Variants in NOTUM observed in about 807,000 individuals in gnomAD.
NOTUM encodes the protein palmitoleoyl-protein carboxylesterase NOTUM.
NOTUM carries 36 observed loss-of-function variants against 65.5 expected under a neutral mutation model. The ratio of observed to expected loss-of-function variants is 0.55; its 90% CI spans 0.42 to 0.73. The LOEUF (loss-of-function observed/expected upper bound fraction) is 0.73, where lower values mean the gene tolerates loss of function less well. Ranked by LOEUF, NOTUM falls within the 30% of genes least tolerant of loss-of-function variation. NOTUM has a pLI of 0.00. For missense variants in NOTUM, 659 were observed against 694.2 expected (o/e 0.95, Z 0.57); for synonymous variants, 356 against 297.9 (o/e 1.20, Z -2.01).
In NOTUM at chr17:81,960,755, A is replaced by G. The variant is rs2041469131; in HGVS notation, c.155T>C (p.Phe52Ser). ...APAAGQPVES[F>S]PLDFTAVEGN... ...CTCCACGGCCGTGAAGTCCAGCGGG[A>G]AGCTCTCCACGGGCTGTCCGGCCGC... Residue 52 changes from phenylalanine to serine, a missense_variant, in exon 1 of 11, where the codon TTC becomes TCC. Physicochemically the swap from Phe to Ser is radical, Grantham distance 155. Coordinates refer to ENST00000409678, the MANE Select transcript of NOTUM (RefSeq NM_178493.6). The surrounding 1 kb of genome is among the most constrained non-coding windows in gnomAD (Gnocchi z 6.4). 1 of 1,593,628 alleles carries G rather than the reference A, an allele frequency of 6.3e-7. No homozygotes were observed. Among genetic ancestry groups the G allele is most frequent in the Non-Finnish European group, 8.5e-7 (1 of 1,171,178 alleles).
chr17:81,952,889 G>C lies in NOTUM; in HGVS notation c.*72C>G. The C allele has an allele frequency of 7.4e-7, 1 of 1,343,972 alleles. No homozygotes were observed. The highest frequency in any genetic ancestry group is 1.1e-6 in the Non-Finnish European group (1 of 950,290). The allele number at this position is 1,343,972 out of a possible 1,614,324, so 83.3% of individuals were successfully genotyped here. ...CGAAGAGACGGGAGGGCCTGCTGGTGGGGGGTGAGGTGGCACTGGGGCAGC... is the reference window on the plus strand; with the variant it reads ...CGAAGAGACGGGAGGGCCTGCTGGTCGGGGGTGAGGTGGCACTGGGGCAGC... On this transcript the variant is annotated 3_prime_UTR_variant, in exon 11 of 11. Transcript: ENST00000409678.
Position 81,961,030 on chromosome 17 carries a change from CCCCGCT to C in NOTUM, c.-127_-122del, listed in dbSNP as rs2041473975. ...GCACTGGCCGCTCCTGCTCCCTCGCCCCCGCTCCCGCCCGCCGGGCCTGGCGGAGAA... is the reference window on the plus strand; with the variant it reads ...GCACTGGCCGCTCCTGCTCCCTCGCCCCCGCCCGCCGGGCCTGGCGGAGAA... On this transcript the variant is annotated 5_prime_UTR_variant, in exon 1 of 11. Transcript: ENST00000409678. The C allele has an allele frequency of 2.8e-6, 1 of 361,662 alleles. No individual in the cohort carries two copies. The highest frequency in any genetic ancestry group is 2.2e-5 in the African/African-American group (1 of 45,542). 22.4% of individuals were successfully genotyped at this position (361,662 alleles called of 1,614,324 possible).
chr17:81,959,050 G>C, intron 3 of NOTUM, 55 bp from the exon 4 acceptor site: 1 of 1,497,158 alleles, frequency 6.7e-7, no homozygotes, highest in Non-Finnish European at 9.3e-7. Flanking sequence ...TGTAGGGTCG[G>C]GTCTGGGAAC....
At chr17:81,954,936 T>G (rs927385609) in intron 9 of NOTUM, among the ~76,000 whole-genome samples, 3 of 74,624 alleles carry the variant, frequency 4.0e-5, no homozygotes, top group Admixed American at 1.0e-4. Flanking sequence ...TCTCGATCTC[T>G]CTCTCTCTCT....
At position 81,959,475 on chromosome 17, in the gene NOTUM, GC is replaced by G; in HGVS notation, c.467del (p.Arg156ProfsTer65). The G allele has an allele frequency of 6.5e-7, 1 of 1,546,596 alleles. No individual in the cohort carries two copies. Among genetic ancestry groups the G allele is most frequent in the Non-Finnish European group, 8.7e-7 (1 of 1,145,630 alleles). Reference protein sequence around the residue: ...LMSSRDWPRTRTGTGILSSQP... With the variant: ...LMSSRDWPRTXTGTGILSSQP... ...TCCCCAGGGCCCGCCGCTGACCTGTGCGAGTGCGCGGCCAGTCCCGGGAGCT... is the reference window on the plus strand; with the variant it reads ...TCCCCAGGGCCCGCCGCTGACCTGTGGAGTGCGCGGCCAGTCCCGGGAGCT... On this transcript the variant is annotated frameshift_variant, in exon 3 of 11. Transcript: ENST00000409678. LOFTEE classifies it high-confidence loss of function.
chr17:81,953,025 G>A lies in NOTUM; in HGVS notation c.1427C>T (p.Thr476Met), dbSNP rs374572752. ...FLMHMGFDMQ[T>M]VAQPQGLEPS... is the part of the protein sequence containing the mutation. The stretch of plus-strand genomic sequence containing the variant: ...CTCCAGTCCCTGCGGCTGGGCCACC[G>A]TCTGCATGTCGAAGCCCATGTGCAT... The change falls in exon 11 of 11, where the codon ACG (threonine) becomes ATG (methionine). Residue 476 changes from threonine to methionine, a missense_variant. Coordinates refer to ENST00000409678, the MANE Select transcript of NOTUM (RefSeq NM_178493.6). 44 of 1,613,888 alleles carry A rather than the reference G, an allele frequency of 2.7e-5. No individual in the cohort carries two copies. Among genetic ancestry groups the A allele is most frequent in the African/African-American group, 2.5e-4 (19 of 74,918 alleles).
rs1037416853 is a variant in NOTUM at position 81,957,917 on chromosome 17, G to A, written c.593-9C>T. ...CATGAAGGCGTACTCGTCTGCAAGA[G>A]GGAGGGGGTGGCCTCAGGTAGGGGC... On this transcript the variant is annotated splice_polypyrimidine_tract_variant and intron_variant, in intron 5 of 10. Transcript: ENST00000409678. 1.9e-6 allele frequency: 3 copies of A among 1,580,402 alleles called. No individual in the cohort carries two copies. Among genetic ancestry groups the A allele is most frequent in the Non-Finnish European group, 2.6e-6 (3 of 1,161,276 alleles).
chr17:81,956,580 T>C (rs572351960), intron 8 of NOTUM, 70 bp downstream of exon 8: 4 of 1,100,962 alleles, frequency 3.6e-6, no homozygotes, highest in Admixed American at 3.9e-5. Flanking sequence ...GAGTCCACGC[T>C]GGATTTTCAG....
chr17:81,960,964 GGGGATGC>G lies in NOTUM; in HGVS notation c.-62_-56del. The stretch of plus-strand genomic sequence containing the variant: ...CCTTGAGGCGGCGGCGGCGGCGGCG[GGGGATGC>G]CGGGCCGGGGGTGCCGGGCCGGGGG... On this transcript the variant is annotated 5_prime_UTR_variant, in exon 1 of 11. Coordinates refer to ENST00000409678, the MANE Select transcript of NOTUM (RefSeq NM_178493.6). The surrounding 1 kb of genome is among the most constrained non-coding windows in gnomAD (Gnocchi z 6.4). The G allele has an allele frequency of 9.6e-7, 1 of 1,039,026 alleles. No individual in the cohort carries two copies. Among genetic ancestry groups the G allele is most frequent in the Non-Finnish European group, 1.2e-6 (1 of 829,122 alleles). 64.4% of individuals were successfully genotyped at this position (1,039,026 alleles called of 1,614,324 possible). A position where few individuals can be genotyped will look rare whatever the true frequency, so the allele number is the denominator to read the frequency against.
In NOTUM at chr17:81,960,468, G is replaced by T. The variant is rs564666010; in HGVS notation, c.323+119C>A. 5.8e-6 allele frequency: 4 copies of T among 690,270 alleles called. No homozygotes were observed. The East Asian group carries it at 1.3e-4, about 22-fold the overall frequency. The allele number at this position is 690,270 out of a possible 1,614,324, so 42.8% of individuals were successfully genotyped here. On this transcript the variant is annotated intron_variant, in intron 1 of 10. Coordinates refer to ENST00000409678, the MANE Select transcript of NOTUM (RefSeq NM_178493.6). This position sits in a 1 kb window ranked among gnomAD's most constrained non-coding sequence, Gnocchi z 6.4. ...GGGCACTCCTCGGGGCCAGGACCGCGGGGCGCCCGACGGAAGCCCTTTCTC... is the reference window on the plus strand; with the variant it reads ...GGGCACTCCTCGGGGCCAGGACCGCTGGGCGCCCGACGGAAGCCCTTTCTC...
chr17:81,955,575 C>T (rs957341824), intron 8 of NOTUM, 31 bp from the exon 9 acceptor site: 8 of 1,596,766 alleles, frequency 5.0e-6, no homozygotes, highest in Non-Finnish European at 6.8e-6. Flanking sequence ...TTCGGCCTCC[C>T]CTGACCCCCG....
chr17:81,957,579 C>A (rs950603425), intron 6 of NOTUM, among the ~76,000 whole-genome samples: 2 of 152,136 alleles, frequency 1.3e-5, no homozygotes, highest in Admixed American at 1.3e-4. Flanking sequence ...CCAGAAGCAT[C>A]CTCTGGACAG....
intron 9 of NOTUM, among the ~76,000 whole-genome samples, chr17:81,954,597 CATTTT>C (rs1228557244): frequency 6.6e-6 from 1 of 152,192 alleles, no homozygotes; most frequent in African/African-American, 2.4e-5. Context: ...ACTCTATTTT[CATTTT>C]ATTTTGAGTC....
In NOTUM at chr17:81,953,054, G is replaced by A. The variant is rs1047780125; in HGVS notation, c.1398C>T (p.Phe466=). ...GCATGTCGAAGCCCATGTGCATGAG[G>A]AACTGGGCCACGTTCATCTCTTGCC... ...FTGQEMNVAQ[F]LMHMGFDMQT... The change falls in exon 11 of 11, where the codon TTC becomes TTT. Residue 466 remains phenylalanine (F), a synonymous_variant. Transcript: ENST00000409678. 2.5e-6 allele frequency: 4 copies of A among 1,613,832 alleles called. No individual in the cohort carries two copies. Among genetic ancestry groups the A allele is most frequent in the Non-Finnish European group, 3.4e-6 (4 of 1,179,766 alleles).
intron 10 of NOTUM, among the ~76,000 whole-genome samples, chr17:81,953,804 A>G (rs1318745982): frequency 3.0e-5 from 4 of 134,240 alleles, no homozygotes; most frequent in Non-Finnish European, 3.1e-5. Flanking sequence ...TTTGAGATGG[A>G]GTTTCACTCT....
chr17:81,957,981 G>T, intron 5 of NOTUM, 73 bp from the exon 6 acceptor site: 1 of 1,152,214 alleles, frequency 8.7e-7, no homozygotes, highest in African/African-American at 1.5e-5. Flanking sequence ...AGAATGGCTG[G>T]CAGAGAAGTT....
At position 81,960,730 on chromosome 17, in the gene NOTUM, C is replaced by T; in HGVS notation, c.180G>A (p.Glu60=). 3.1e-6 allele frequency: 5 copies of T among 1,601,874 alleles called. No homozygotes were observed. Among genetic ancestry groups the T allele is most frequent in the Non-Finnish European group, 2.6e-6 (3 of 1,175,020 alleles). ...GCGCCATGAAGCTGTCCATGTTACC[C>T]TCCACGGCCGTGAAGTCCAGCGGGA... ...ESFPLDFTAV[E]GNMDSFMAQV... The change falls in exon 1 of 11, where the codon GAG becomes GAA. Residue 60 remains glutamate (E), a synonymous_variant. Transcript: ENST00000409678. The surrounding 1 kb of genome is among the most constrained non-coding windows in gnomAD (Gnocchi z 6.4).
chr17:81,959,108 G>C, intron 3 of NOTUM, 113 bp from the exon 4 acceptor site: 1 of 894,904 alleles, frequency 1.1e-6, no homozygotes, highest in Non-Finnish European at 1.8e-6. Flanking sequence ...AGGGAGGTGT[G>C]CTGGTGTTGC....
In NOTUM at chr17:81,959,494, C is replaced by T. The variant is rs989009541; in HGVS notation, c.449G>A (p.Arg150Gln). 5 of 1,548,420 alleles carry T rather than the reference C, an allele frequency of 3.2e-6. No homozygotes were observed. The African/African-American group carries it at 5.5e-5, about 17-fold the overall frequency. Residue 150 changes from arginine to glutamine, a missense_variant, in exon 3 of 11, where the codon CGG becomes CAG. Arg to Gln is a conservative substitution (Grantham distance 43). Transcript: ENST00000409678. ...ACCTGTGCGAGTGCGCGGCCAGTCC[C>T]GGGAGCTCATGAGGCGCCGCATGGT... ...YDTMRRLMSSRDWPRTRTGTG... is the reference protein window; with the variant it reads ...YDTMRRLMSSQDWPRTRTGTG...
Sources: gnomAD v4.1 joint callset for allele counts (sites outside exome capture counted in the v4.1 genomes callset) on GRCh38, gnomAD v4.1.1 for gene constraint, Gnocchi (gnomAD v3.1) non-coding constraint, MANE v1.5 for transcripts, NCBI Gene and HGNC (gene_info 2026-07-23, HGNC 2026-07-21) for gene names.